The following RAB20 variants were observed in gnomAD, a reference collection of about 807,000 sequenced individuals.
The protein encoded by RAB20 is ras-related protein Rab-20.
Under a neutral mutation model 3.7 loss-of-function variants are expected in RAB20, and 2 were observed. The ratio of observed to expected loss-of-function variants is 0.54; its 90% CI spans 0.22 to 1.69. The LOEUF (loss-of-function observed/expected upper bound fraction) is 1.69. Ranked by LOEUF, RAB20 falls within the 40% of genes most tolerant of loss-of-function variation. RAB20 has a pLI of 0.19. For missense variants in RAB20, 276 were observed against 311.9 expected (o/e 0.88, Z 0.87); for synonymous variants, 126 against 130.8 (o/e 0.96, Z 0.25).
intron 1 of RAB20, among the ~76,000 whole-genome samples, chr13:110,532,332 T>C (rs1055873632): frequency 6.6e-6 from 1 of 152,226 alleles, no homozygotes; most frequent in Non-Finnish European, 1.5e-5. Flanking sequence ...AAGTGAGCCC[T>C]ACCAGGAAAT....
intron 1 of RAB20, among the ~76,000 whole-genome samples, chr13:110,527,931 A>G (rs1360307058): frequency 6.7e-6 from 1 of 150,102 alleles, no homozygotes; most frequent in African/African-American, 2.5e-5. Context: ...ACACACACAC[A>G]CACACACACA....
At chr13:110,545,591 A>G (rs1884837907) in intron 1 of RAB20, among the ~76,000 whole-genome samples, 1 of 152,172 alleles carries the variant, frequency 6.6e-6, no homozygotes, top group African/African-American at 2.4e-5. Context: ...TGTTCACTCT[A>G]CACACATCAG....
At chr13:110,544,749 G>A (rs926224918) in intron 1 of RAB20, among the ~76,000 whole-genome samples, 1 of 152,100 alleles carries the variant, frequency 6.6e-6, no homozygotes, top group African/African-American at 2.4e-5. Context: ...TGGAAACACA[G>A]GTAAAGCGCC....
At chr13:110,531,427 C>T (rs1360080761) in intron 1 of RAB20, among the ~76,000 whole-genome samples, 1 of 152,244 alleles carries the variant, frequency 6.6e-6, no homozygotes, top group Non-Finnish European at 1.5e-5. Context: ...GCAGGGACTG[C>T]AGAGCGTTCT....
intron 1 of RAB20, among the ~76,000 whole-genome samples, chr13:110,557,726 G>A (rs1057142616): frequency 4.6e-5 from 7 of 152,220 alleles, no homozygotes; most frequent in East Asian, 1.9e-4. Flanking sequence ...TGGGCTCCCC[G>A]CCGCCTTCCA....
At chr13:110,550,721 C>A (rs748610290) in intron 1 of RAB20, among the ~76,000 whole-genome samples, 1 of 152,060 alleles carries the variant, frequency 6.6e-6, no homozygotes, top group South Asian at 2.1e-4. Context: ...TTGCCACCTT[C>A]CAGAGTCTTA....
At chr13:110,543,415 G>C (rs1884799856) in intron 1 of RAB20, among the ~76,000 whole-genome samples, 3 of 152,194 alleles carry the variant, frequency 2.0e-5, no homozygotes, top group Admixed American at 6.5e-5. Context: ...TTATAGGTGA[G>C]AGCCACGGCA....
At chr13:110,554,879 G>A (rs1328797107) in intron 1 of RAB20, among the ~76,000 whole-genome samples, 1 of 152,132 alleles carries the variant, frequency 6.6e-6, no homozygotes, top group East Asian at 1.9e-4. Flanking sequence ...CGGCTTGGGA[G>A]GGAGGGACCT....
At chr13:110,546,476 G>A (rs889945639) in intron 1 of RAB20, among the ~76,000 whole-genome samples, 7 of 152,122 alleles carry the variant, frequency 4.6e-5, no homozygotes, top group Non-Finnish European at 7.4e-5. Flanking sequence ...GTAGCGTCCC[G>A]AAAGGCAGTT....
At chr13:110,538,817 C>T (rs554207052) in intron 1 of RAB20, among the ~76,000 whole-genome samples, 4 of 152,024 alleles carry the variant, frequency 2.6e-5, no homozygotes, top group African/African-American at 4.8e-5. Context: ...ACTTCCCTCA[C>T]GTTCTTACTC....
intron 1 of RAB20, among the ~76,000 whole-genome samples, chr13:110,539,375 T>C (rs141732677): frequency 2.8e-4 from 42 of 152,120 alleles, no homozygotes; most frequent in African/African-American, 1.0e-3. Flanking sequence ...CCGACAGCCA[T>C]CCAAACCCCT....
chr13:110,547,843 A>G (rs1186630529), intron 1 of RAB20, among the ~76,000 whole-genome samples: 1 of 152,222 alleles, frequency 6.6e-6, no homozygotes, highest in Non-Finnish European at 1.5e-5. Context: ...GGAAGCCTGC[A>G]TGACCCCACA....
intron 1 of RAB20, among the ~76,000 whole-genome samples, chr13:110,539,593 C>G (rs1228389395): frequency 7.1e-6 from 1 of 141,408 alleles, no homozygotes; most frequent in Non-Finnish European, 1.5e-5. Context: ...GAGTCTCACT[C>G]TTGTTGCCCA....
rs1566586815 is a variant in RAB20 at position 110,538,619 on chromosome 13, GAAA to G, written c.173-14425_173-14423del. Among the ~76,000 whole-genome samples the G allele has an allele frequency of 2.0e-4, 24 of 117,890 alleles. 1 individual carries two copies. The highest frequency in any genetic ancestry group is 3.5e-4 in the Non-Finnish European group (19 of 54,516). The allele number at this position is 117,890 out of a possible 152,430, so 77.3% of individuals were successfully genotyped here. A position where few individuals can be genotyped will look rare whatever the true frequency, so the allele number is the denominator to read the frequency against. ...TCTCAAAAAAAAAAAAAAAAAAAAA[GAAA>G]GAAAAGAAAAGAAAAGAAAAAGAAA... On this transcript the variant is annotated intron_variant, in intron 1 of 1. Transcript: ENST00000267328.
intron 1 of RAB20, among the ~76,000 whole-genome samples, chr13:110,525,832 G>A (rs1018019678): frequency 7.2e-5 from 11 of 152,236 alleles, no homozygotes; most frequent in Non-Finnish European, 1.2e-4. Context: ...CATGCACCTT[G>A]GCCCCCACCT....
intron 1 of RAB20, among the ~76,000 whole-genome samples, chr13:110,533,246 G>A (rs185089839): frequency 2.6e-5 from 4 of 152,330 alleles, no homozygotes; most frequent in South Asian, 4.1e-4. Context: ...CCACAAATAC[G>A]AGCCAAAAGG....
At chr13:110,548,193 C>G (rs1389085187) in intron 1 of RAB20, among the ~76,000 whole-genome samples, 2 of 147,530 alleles carry the variant, frequency 1.4e-5, no homozygotes, top group Non-Finnish European at 3.0e-5. Flanking sequence ...TTAGAAAACA[C>G]CATAATTCGG....
chr13:110,541,356 G>A (rs1295195723), intron 1 of RAB20, among the ~76,000 whole-genome samples: 3 of 152,160 alleles, frequency 2.0e-5, no homozygotes, highest in African/African-American at 7.2e-5. Flanking sequence ...TGCAACTGCT[G>A]TAGAAAAGTG....
At chr13:110,560,792 A>G (rs1594142163) in intron 1 of RAB20, among the ~76,000 whole-genome samples, 2 of 152,094 alleles carry the variant, frequency 1.3e-5, no homozygotes, top group Admixed American at 6.5e-5. Context: ...CATATGACGT[A>G]TCTGAGCCAA....
Sources: gnomAD v4.1 joint callset for allele counts (sites outside exome capture counted in the v4.1 genomes callset) on GRCh38, gnomAD v4.1.1 for gene constraint, MANE v1.5 for transcripts, NCBI Gene and HGNC (gene_info 2026-07-23, HGNC 2026-07-21) for gene names.